PRICKLE3: variants seen among roughly 807,000 people sequenced by gnomAD.
PRICKLE3 encodes prickle planar cell polarity protein 3.
Under a neutral mutation model 33.8 loss-of-function variants are expected in PRICKLE3, and 17 were observed. The ratio of observed to expected loss-of-function variants is 0.50; its 90% confidence interval spans 0.34 to 0.75. The LOEUF (loss-of-function observed/expected upper bound fraction) is 0.75, where lower values mean the gene tolerates loss of function less well. Among genes scored for constraint, PRICKLE3 ranks in the 30% least tolerant of loss-of-function variants. The pLI, the probability that PRICKLE3 is intolerant of heterozygous loss-of-function variation, is 0.01. For synonymous variants in PRICKLE3, 211 were observed against 219.6 expected, an observed-to-expected ratio of 0.96 and a Z score of 0.34; for missense variants, 573 against 576.7, an observed-to-expected ratio of 0.99 and a Z score of 0.07.
chrX:49,181,467 TTA>T (rs1396394111), intron 3 of PRICKLE3, among the ~76,000 whole-genome samples: 1 of 93,617 alleles, frequency 1.1e-5, no homozygotes, highest in African/African-American at 3.9e-5. Context: ...AATAATTATT[TTA>T]TATATATGTA....
intron 3 of PRICKLE3, 56 bp downstream of exon 3, chrX:49,183,678 T>C: frequency 8.6e-7 from 1 of 1,159,377 alleles, no homozygotes; most frequent in East Asian, 3.1e-5. Flanking sequence ...TGTGTGTGTG[T>C]GAGCATTAGT....
chrX:49,184,760 G>C (rs1463845447), intron 1 of PRICKLE3, 50 bp from the exon 2 acceptor site: 6 of 1,160,336 alleles, frequency 5.2e-6, no homozygotes, highest in East Asian at 3.3e-5. Context: ...CGGAAGCAGG[G>C]AAGGAGAAGT....
Position 49,175,977 on chromosome X carries a change from T to C in PRICKLE3, c.1544A>G (p.His515Arg), listed in dbSNP as rs782215241. The change falls in exon 9 of 9, where the codon CAT becomes CGT. Residue 515 changes from histidine (H) to arginine (R), a missense_variant. His to Arg is a conservative substitution (Grantham distance 29, BLOSUM62 0). Coordinates refer to ENST00000599218, the MANE Select transcript of PRICKLE3 (RefSeq NM_006150.5). ...GTTGTGATGGTGATGGTGATTATGA[T>C]GATGGTGGCGGCGACGGCTGGGGGC... ...PRAPSRRRHH[H>R]HNHHHHHNRH... 2 of 1,208,601 alleles carry C rather than the reference T, an allele frequency of 1.7e-6. No individual in the cohort carries two copies. The highest frequency in any genetic ancestry group is 2.2e-5 in the Admixed American group (1 of 45,626).
At chrX:49,176,843 A>C in intron 8 of PRICKLE3, 60 bp downstream of exon 8, 1 of 1,087,497 alleles carries the variant, frequency 9.2e-7, no homozygotes, top group Non-Finnish European at 1.2e-6. Flanking sequence ...GGGCTGAGGC[A>C]GGGGCAAGGA....
At chrX:49,183,502 T>C in intron 3 of PRICKLE3, 2 of 711,582 alleles carry the variant, frequency 2.8e-6, no homozygotes, top group Non-Finnish European at 4.0e-6. Flanking sequence ...AAACAATCAA[T>C]CAAAAATAAT....
rs2065472880 is a variant in PRICKLE3, at chrX:49,184,475, G to T, written c.128+150C>A. ...GACTTTGGGGAATGAGTCAGGGGGCGGGGCTCTGAATCTGAGCCTGAGGCT... is the reference window on the plus strand; with the variant it reads ...GACTTTGGGGAATGAGTCAGGGGGCTGGGCTCTGAATCTGAGCCTGAGGCT... On this transcript the variant is annotated intron_variant, in intron 2 of 8. Transcript: ENST00000599218. The T allele has an allele frequency of 5.9e-6, 3 of 511,835 alleles. No homozygotes were observed. In the Admixed American group the frequency reaches 1.4e-4, roughly 24 times the overall value. The allele number at this position is 511,835 out of a possible 1,213,427, so 42.2% of individuals were successfully genotyped here.
At chrX:49,181,388 G>GTGTA (rs1260230192) in intron 3 of PRICKLE3, among the ~76,000 whole-genome samples, 2 of 82,591 alleles carry the variant, frequency 2.4e-5, no homozygotes, top group African/African-American at 1.0e-4. Flanking sequence ...ATGTGTGTGT[G>GTGTA]TATATATATA....
Position 49,176,283 on chromosome X carries a change from G to A in PRICKLE3, c.1256-18C>T. On this transcript the variant is annotated intron_variant, in intron 8 of 8. Coordinates refer to ENST00000599218, the MANE Select transcript of PRICKLE3 (RefSeq NM_006150.5). ...GCCTGTAGCTGTTAAGGGGGAGACA[G>A]AGTGACTCCTTGTATCTGCCCTCCC... 1 of 1,087,073 alleles carries A rather than the reference G, an allele frequency of 9.2e-7. No homozygotes were observed. The highest frequency in any genetic ancestry group is 1.2e-6 in the Non-Finnish European group (1 of 819,067). 89.6% of individuals were successfully genotyped at this position (1,087,073 alleles called of 1,213,427 possible).
chrX:49,177,385 C>T (rs1181971023), intron 7 of PRICKLE3, among the ~76,000 whole-genome samples, 183 bp from the exon 8 acceptor site: 4 of 112,888 alleles, frequency 3.5e-5, no homozygotes, highest in African/African-American at 1.3e-4. Flanking sequence ...TTGGTTCTCT[C>T]CTGGAGACTG....
chrX:49,175,954 T>TGTGATG lies in PRICKLE3; in HGVS notation c.1561_1566dup (p.His521_His522dup), dbSNP rs782245997. On this transcript the variant is annotated inframe_insertion, in exon 9 of 9. Coordinates refer to ENST00000599218, the MANE Select transcript of PRICKLE3 (RefSeq NM_006150.5). ...TGGCGACGTCTGCTTGGGTGGCGGTTGTGATGGTGATGGTGATTATGATGA... is the reference window on the plus strand; with the variant it reads ...TGGCGACGTCTGCTTGGGTGGCGGTTGTGATGGTGATGGTGATGGTGATTATGATGA... 200 of 1,208,375 alleles carry TGTGATG rather than the reference T, an allele frequency of 1.7e-4. No homozygotes were observed. The African/African-American group carries it at 3.2e-3, about 19-fold the overall frequency.
chrX:49,184,883 C>T, intron 1 of PRICKLE3, 173 bp from the exon 2 acceptor site: 1 of 1,142,141 alleles, frequency 8.8e-7, no homozygotes, highest in Non-Finnish European at 1.2e-6. Flanking sequence ...CGGGACACAA[C>T]CGAGGCAGAG....
chrX:49,177,102 T>C lies in PRICKLE3; in HGVS notation c.1056A>G (p.Pro352=). 2.5e-6 allele frequency: 3 copies of C among 1,201,121 alleles called. No homozygotes were observed. The highest frequency in any genetic ancestry group is 3.4e-6 in the Non-Finnish European group (3 of 890,672). ...SRCGRALLGR[P]FLPRRGLIFC... Reference sequence around the variant, plus strand: ...AGATTAGGCCTCGGCGTGGCAGGAATGGGCGGCCCAGCAGGGCCCGCCCAC... The same window carrying C: ...AGATTAGGCCTCGGCGTGGCAGGAACGGGCGGCCCAGCAGGGCCCGCCCAC... The change falls in exon 8 of 9, where the codon CCA becomes CCG. Residue 352 remains proline, a synonymous_variant. Transcript: ENST00000599218.
rs1557100515 is a variant in PRICKLE3, at chrX:49,178,398, C to T, written c.642G>A (p.Gln214=). The T allele has an allele frequency of 8.3e-6, 10 of 1,211,886 alleles. No individual in the cohort carries two copies. Among genetic ancestry groups the T allele is most frequent in the Admixed American group, 4.3e-5 (2 of 46,127 alleles). Residue 214 remains glutamine (Q), a synonymous_variant, in exon 6 of 9, where the codon CAG becomes CAA. Transcript: ENST00000599218. ...CCTGGCACGTGGTACACACGAAGCA[C>T]TGTGGGTGCCAGCAGGCACCCAGGC... The part of the protein sequence containing the change: ...RAGLGACWHP[Q]CFVCTTCQEL...
intron 2 of PRICKLE3, 73 bp from the exon 3 acceptor site, chrX:49,183,990 G>A: frequency 9.2e-7 from 1 of 1,092,450 alleles, no homozygotes; most frequent in Non-Finnish European, 1.2e-6. Context: ...CAGGTCCAAT[G>A]GAGGAGCGGG....
intron 3 of PRICKLE3, among the ~76,000 whole-genome samples, chrX:49,182,294 C>T (rs868991809): frequency 2.7e-5 from 3 of 111,338 alleles, no homozygotes; most frequent in Middle Eastern, 4.6e-3. Context: ...TAACTCCTTG[C>T]ACTGCCAGTG....
rs887636969 is a variant in PRICKLE3, at chrX:49,182,897, C to T, written c.312+837G>A. 2.9e-5 allele frequency among the ~76,000 whole-genome samples: 3 copies of T among 105,194 alleles called. No individual in the cohort carries two copies. In the Middle Eastern group the frequency reaches 0.015, roughly 526 times the overall value. The allele number at this position is 105,194 out of a possible 115,157, so 91.3% of individuals were successfully genotyped here. On this transcript the variant is annotated intron_variant, in intron 3 of 8. Transcript: ENST00000599218. ...GGAGTGCAGTGGCACGATCTCAGCT[C>T]ACTGCAACCTCCGCTTCCTGGGTTC...
intron 3 of PRICKLE3, chrX:49,183,532 C>T: frequency 4.6e-6 from 4 of 864,010 alleles, no homozygotes; most frequent in Non-Finnish European, 6.4e-6. Flanking sequence ...GTGAACAGGC[C>T]CTGAGGAACT....
intron 5 of PRICKLE3, among the ~76,000 whole-genome samples, chrX:49,179,001 T>C (rs2065434401): frequency 9.0e-6 from 1 of 111,544 alleles, no homozygotes; most frequent in African/African-American, 3.3e-5. Context: ...AAGGCCTCCT[T>C]ACAGACAAAC....
At chrX:49,186,226 A>C in intron 1 of PRICKLE3, 30 bp downstream of exon 1, 1 of 1,152,278 alleles carries the variant, frequency 8.7e-7, no homozygotes, top group Non-Finnish European at 1.2e-6. Context: ...TTTACCCCCG[A>C]CCCCCACCGC....
Sources: allele counts gnomAD v4.1 joint callset (sites outside exome capture counted in the v4.1 genomes callset), GRCh38; gene constraint gnomAD v4.1.1; transcripts MANE v1.5; gene names NCBI Gene and HGNC (gene_info 2026-07-23, HGNC 2026-07-21).